Variants in ROBO2 observed in about 807,000 individuals in gnomAD.
The protein encoded by ROBO2 is roundabout guidance receptor 2.
In ROBO2, 53 loss-of-function variants were observed where a neutral mutation model predicts 160.8. The observed-to-expected ratio is 0.33, with a 90% CI of 0.26 to 0.41. ROBO2 has a LOEUF of 0.41. Among genes scored for constraint, ROBO2 ranks in the 10% least tolerant of loss-of-function variants. The pLI is 1.00. For synonymous variants in ROBO2, 664 were observed against 611.7 expected (o/e 1.09, Z -1.26); for missense variants, 1,577 against 1,722.4 (o/e 0.92, Z 1.49).
intron 2 of ROBO2, among the ~76,000 whole-genome samples, chr3:77,008,131 A>C (rs897822273): frequency 2.9e-4 from 44 of 152,098 alleles, no homozygotes; most frequent in African/African-American, 9.6e-4. Context: ...TTATAAAATC[A>C]TTATGTTCTA....
In ROBO2 at chr3:76,844,539, C is replaced by A. The variant is rs573724462; in HGVS notation, c.110-253475C>A. Among the ~76,000 whole-genome samples, 10 of 151,902 alleles carry A rather than the reference C, an allele frequency of 6.6e-5. No homozygotes were observed. The South Asian group carries it at 2.1e-3, about 32-fold the overall frequency. ...TCTATTGTAACATTGTGTACTTGAG[C>A]CTCTATATTTACTTCAGTGATTTTT... On this transcript the variant is annotated intron_variant, in intron 2 of 26. Transcript: ENST00000487694.
chr3:77,357,312 G>A (rs893060727), intron 2 of ROBO2, among the ~76,000 whole-genome samples: 1 of 152,090 alleles, frequency 6.6e-6, no homozygotes, highest in East Asian at 1.9e-4. Flanking sequence ...GCAGGAGTGG[G>A]TTCCTTATCT....
chr3:77,347,776 T>C (rs2153455876), intron 2 of ROBO2, among the ~76,000 whole-genome samples: 1 of 152,272 alleles, frequency 6.6e-6, no homozygotes. Context: ...CAGCCTTGCA[T>C]TGTTTTTCTC....
At chr3:76,135,641 T>A (rs1185978587) in intron 2 of ROBO2, among the ~76,000 whole-genome samples, 1 of 152,132 alleles carries the variant, frequency 6.6e-6, no homozygotes, top group Non-Finnish European at 1.5e-5. Context: ...TCTATTATTT[T>A]CAGAAAACAG....
At chr3:76,328,770 A>G (rs2107992222) in intron 2 of ROBO2, among the ~76,000 whole-genome samples, 1 of 151,942 alleles carries the variant, frequency 6.6e-6, no homozygotes, top group East Asian at 1.9e-4. Flanking sequence ...GAAGCAGGAG[A>G]CTGGCGTGAA....
At chr3:76,666,538 C>A (rs1190202091) in intron 2 of ROBO2, among the ~76,000 whole-genome samples, 1 of 152,020 alleles carries the variant, frequency 6.6e-6, no homozygotes, top group Admixed American at 6.6e-5. Context: ...GGAGGTCTTG[C>A]ATGAAAGTCA....
At chr3:77,641,370 C>T (rs2153722733) in intron 24 of ROBO2, among the ~76,000 whole-genome samples, 1 of 152,304 alleles carries the variant, frequency 6.6e-6, no homozygotes, top group Non-Finnish European at 1.5e-5. Flanking sequence ...ATTAGTATCA[C>T]TTTGCTCATA....
intron 2 of ROBO2, among the ~76,000 whole-genome samples, chr3:76,436,113 G>A (rs2076662981): frequency 7.2e-6 from 1 of 139,288 alleles, no homozygotes; most frequent in Non-Finnish European, 1.5e-5. Context: ...TTCTTTCTCT[G>A]GGATCCCTGC....
chr3:76,718,554 G>A (rs1385072764), intron 2 of ROBO2, among the ~76,000 whole-genome samples: 1 of 152,164 alleles, frequency 6.6e-6, no homozygotes, highest in Non-Finnish European at 1.5e-5. Flanking sequence ...AACTTACGAT[G>A]AGTGAGCTTA....
intron 2 of ROBO2, among the ~76,000 whole-genome samples, chr3:76,502,501 TA>T (rs1236702973): frequency 6.6e-6 from 1 of 152,252 alleles, no homozygotes; most frequent in Non-Finnish European, 1.5e-5. Flanking sequence ...AAATAAAATT[TA>T]AAGTTTAGGA....
intron 2 of ROBO2, among the ~76,000 whole-genome samples, chr3:76,890,213 T>G (rs1158135662): frequency 7.8e-6 from 1 of 128,210 alleles, no homozygotes; most frequent in East Asian, 2.3e-4. Context: ...ACTAAGAAAT[T>G]TACATATCGT....
chr3:77,407,909 A>T (rs1226663600), intron 2 of ROBO2, among the ~76,000 whole-genome samples: 2 of 152,198 alleles, frequency 1.3e-5, no homozygotes, highest in Non-Finnish European at 2.9e-5. Context: ...GTAAGTTTAC[A>T]CTTGTTCACT....
intron 2 of ROBO2, among the ~76,000 whole-genome samples, chr3:76,425,836 T>A (rs1469969771): frequency 6.6e-6 from 1 of 152,038 alleles, no homozygotes; most frequent in South Asian, 2.1e-4. Flanking sequence ...GTTTACATCA[T>A]GTTTGTGAGG....
At chr3:76,737,833 T>A (rs1343584570) in intron 2 of ROBO2, among the ~76,000 whole-genome samples, 1 of 129,712 alleles carries the variant, frequency 7.7e-6, no homozygotes, top group Non-Finnish European at 1.6e-5. Context: ...AAAGCAATAA[T>A]CCTGTGAGAA....
intron 1 of ROBO2, among the ~76,000 whole-genome samples, chr3:77,064,548 A>T (rs2066650289): frequency 6.6e-6 from 1 of 152,074 alleles, no homozygotes; most frequent in African/African-American, 2.4e-5. Flanking sequence ...TTTAGCAGAG[A>T]CAGGTTTTTG....
At chr3:76,797,704 C>G (rs2063810215) in intron 2 of ROBO2, among the ~76,000 whole-genome samples, 1 of 150,994 alleles carries the variant, frequency 6.6e-6, no homozygotes, top group Non-Finnish European at 1.5e-5. Context: ...AAAGAAGACC[C>G]AAATAAATAA....
chr3:76,990,283 C>A (rs2060595264), intron 2 of ROBO2, among the ~76,000 whole-genome samples: 1 of 152,088 alleles, frequency 6.6e-6, no homozygotes, highest in African/African-American at 2.4e-5. Flanking sequence ...TCCTGCCTAC[C>A]TATTTCCAGT....
intron 2 of ROBO2, among the ~76,000 whole-genome samples, chr3:77,440,352 T>C (rs1330164306): frequency 6.6e-6 from 1 of 152,180 alleles, no homozygotes; most frequent in Admixed American, 6.5e-5. Flanking sequence ...CAAAACTCAT[T>C]ATTAACTTGA....
intron 2 of ROBO2, among the ~76,000 whole-genome samples, chr3:76,872,912 A>T (rs1317212724): frequency 2.0e-5 from 3 of 152,168 alleles, no homozygotes; most frequent in African/African-American, 4.8e-5. Flanking sequence ...CAAAGTGAGC[A>T]GTAGAAACAT....
Sources: allele counts gnomAD v4.1 joint callset (sites outside exome capture counted in the v4.1 genomes callset), GRCh38; gene constraint gnomAD v4.1.1; transcripts MANE v1.5; gene names NCBI Gene and HGNC (gene_info 2026-07-23, HGNC 2026-07-21).